Variants in SMAD9 observed in about 807,000 individuals in gnomAD.
SMAD9 encodes SMAD family member 9.
SMAD9 carries 36 observed loss-of-function variants against 46.1 expected under a neutral mutation model. The observed-to-expected ratio is 0.78, with a 90% confidence interval of 0.60 to 1.03. The LOEUF (loss-of-function observed/expected upper bound fraction) is 1.03, where lower values mean the gene tolerates loss of function less well. SMAD9 is among the 50% of genes least tolerant of loss of function. SMAD9 has a pLI of 0.00. For synonymous variants in SMAD9, 245 were observed against 237.1 expected (o/e 1.03, Z -0.31); for missense variants, 572 against 599.8 (o/e 0.95, Z 0.48).
At chr13:36,872,538 G>T in intron 3 of SMAD9, 120 bp downstream of exon 3, 1 of 1,198,374 alleles carries the variant, frequency 8.3e-7, no homozygotes, top group South Asian at 1.3e-5. Context: ...TGATTGCTTT[G>T]TAAACTGTTT....
intron 2 of SMAD9, among the ~76,000 whole-genome samples, chr13:36,878,806 C>T (rs868215604): frequency 3.4e-5 from 5 of 147,102 alleles, no homozygotes; most frequent in Admixed American, 6.6e-5. Context: ...CCTTTCAGGA[C>T]CCCAAGAACT....
intron 6 of SMAD9, among the ~76,000 whole-genome samples, chr13:36,851,147 C>T (rs960822316): frequency 1.3e-5 from 2 of 152,164 alleles, no homozygotes; most frequent in Non-Finnish European, 2.9e-5. Context: ...TGCAAAAGCT[C>T]GCCACCTCCT....
chr13:36,847,139 T>TAGC lies in SMAD9; in HGVS notation c.*1534_*1536dup, dbSNP rs2058042873. The TAGC allele has an allele frequency of 6.6e-6, 1 of 152,224 alleles. No homozygotes were observed. The highest frequency in any genetic ancestry group is 2.4e-5 in the African/African-American group (1 of 41,460). The allele number at this position is 152,224 out of a possible 1,614,324, so 9.4% of individuals were successfully genotyped here. On this transcript the variant is annotated 3_prime_UTR_variant, in exon 7 of 7. Coordinates refer to ENST00000379826, the MANE Select transcript of SMAD9 (RefSeq NM_001127217.3). Reference sequence around the variant, plus strand: ...TAGTAACTGTAAGAGGTGACAGTAGTAGCTCAATCATATATCTTTCTCACA... The same window carrying TAGC: ...TAGTAACTGTAAGAGGTGACAGTAGTAGCAGCTCAATCATATATCTTTCTCACA...
At chr13:36,850,350 G>A (rs2058064503) in intron 6 of SMAD9, among the ~76,000 whole-genome samples, 1 of 151,880 alleles carries the variant, frequency 6.6e-6, no homozygotes, top group African/African-American at 2.4e-5. Flanking sequence ...AGTGTCCCAG[G>A]GCTCAGTCCT....
intron 1 of SMAD9, among the ~76,000 whole-genome samples, chr13:36,887,044 T>G (rs987306409): frequency 2.4e-5 from 3 of 123,680 alleles, no homozygotes; most frequent in African/African-American, 1.0e-4. Context: ...GAATGGGTTT[T>G]TTTTTTTTTT....
rs1015628934 is a variant in SMAD9, at chr13:36,884,759, T to C, written c.-186-4884A>G. Reference sequence around the variant, plus strand: ...CCTTGGAAGGTTCAGTTGGTGATTTTAATCCTGAAGAAAATACAATTTTAA... The same window carrying C: ...CCTTGGAAGGTTCAGTTGGTGATTTCAATCCTGAAGAAAATACAATTTTAA... On this transcript the variant is annotated intron_variant, in intron 1 of 6. Coordinates refer to ENST00000379826, the MANE Select transcript of SMAD9 (RefSeq NM_001127217.3). Among the ~76,000 whole-genome samples, 5 of 152,212 alleles carry C rather than the reference T, an allele frequency of 3.3e-5. No individual in the cohort carries two copies. The South Asian group carries it at 8.3e-4, about 25-fold the overall frequency.
At chr13:36,919,977 C>T (rs568644091) in intron 1 of SMAD9, 139 bp downstream of exon 1, 1 of 151,374 alleles carries the variant, frequency 6.6e-6, no homozygotes, top group Non-Finnish European at 1.5e-5. Flanking sequence ...CGCACGCACA[C>T]AAGCAGCGCG....
intron 1 of SMAD9, among the ~76,000 whole-genome samples, chr13:36,884,423 A>C (rs976816707): frequency 6.6e-6 from 1 of 152,118 alleles, no homozygotes; most frequent in Admixed American, 6.6e-5. Context: ...GAAAGGACAC[A>C]CTTCACACAC....
intron 5 of SMAD9, among the ~76,000 whole-genome samples, chr13:36,857,826 T>C (rs1176662042): frequency 6.6e-6 from 1 of 152,174 alleles, no homozygotes; most frequent in African/African-American, 2.4e-5. Flanking sequence ...CCACTCCTCT[T>C]AGGACAAAAC....
At chr13:36,886,016 G>A (rs1386677475) in intron 1 of SMAD9, among the ~76,000 whole-genome samples, 5 of 152,162 alleles carry the variant, frequency 3.3e-5, no homozygotes, top group Admixed American at 2.0e-4. Context: ...TAAGAAGAAC[G>A]TAGAGGGGAG....
chr13:36,893,290 G>C lies in SMAD9; in HGVS notation c.-186-13415C>G, dbSNP rs572139734. Among the ~76,000 whole-genome samples, 57 of 151,684 alleles carry C rather than the reference G, an allele frequency of 3.8e-4. 1 individual carries two copies. In the South Asian group the frequency reaches 8.3e-3, roughly 22 times the overall value. On this transcript the variant is annotated intron_variant, in intron 1 of 6. Transcript: ENST00000379826. ...GTGGGGAAAAATTCTACTTCTTGAA[G>C]TTTTTGAAGAGATGAATAGAGGTAT...
intron 2 of SMAD9, among the ~76,000 whole-genome samples, chr13:36,873,687 A>C (rs546036633): frequency 6.6e-6 from 1 of 152,182 alleles, no homozygotes; most frequent in South Asian, 2.1e-4. Context: ...ACGTGGTGAA[A>C]CCCCGTCTCT....
Position 36,879,273 on chromosome 13 carries a change from C to T in SMAD9, c.412+5G>A. 1 of 1,613,736 alleles carries T rather than the reference C, an allele frequency of 6.2e-7. No individual in the cohort carries two copies. The highest frequency in any genetic ancestry group is 1.3e-5 in the African/African-American group (1 of 75,032). On this transcript the variant is annotated splice_donor_5th_base_variant and intron_variant, in intron 2 of 6. Coordinates refer to ENST00000379826, the MANE Select transcript of SMAD9 (RefSeq NM_001127217.3). ...ATAAACCTTGACGTCGTAAAGACGA[C>T]CCACCTGGAGTCTCCACCCGGCGGT...
chr13:36,880,017 G>A (rs980692316), intron 1 of SMAD9, 142 bp from the exon 2 acceptor site: 2 of 379,804 alleles, frequency 5.3e-6, no homozygotes, highest in Admixed American at 7.8e-5. Context: ...GGTCAAGGCT[G>A]CGCCACTGCA....
At chr13:36,890,006 A>G (rs944953559) in intron 1 of SMAD9, among the ~76,000 whole-genome samples, 18 of 152,192 alleles carry the variant, frequency 1.2e-4, no homozygotes, top group Admixed American at 1.1e-3. Context: ...ATGTAAAAAT[A>G]TGATTCAATT....
At chr13:36,874,587 G>A (rs1036399456) in intron 2 of SMAD9, among the ~76,000 whole-genome samples, 6 of 152,168 alleles carry the variant, frequency 3.9e-5, no homozygotes, top group African/African-American at 1.4e-4. Context: ...GCTGGGCATG[G>A]TGGCTCACAC....
intron 1 of SMAD9, among the ~76,000 whole-genome samples, chr13:36,903,126 G>GTTT (rs375828906): frequency 5.5e-5 from 7 of 127,616 alleles, no homozygotes; most frequent in East Asian, 2.3e-4. Context: ...TTTTCTTTTG[G>GTTT]TTTTTTTTTT....
chr13:36,869,319 T>A (rs1446011749), intron 3 of SMAD9, among the ~76,000 whole-genome samples: 9 of 152,038 alleles, frequency 5.9e-5, no homozygotes, highest in Non-Finnish European at 2.9e-5. Flanking sequence ...GACTCCTGGA[T>A]TCAAGCGATT....
intron 1 of SMAD9, among the ~76,000 whole-genome samples, chr13:36,880,596 C>A (rs1439281735): frequency 2.0e-5 from 3 of 152,204 alleles, no homozygotes; most frequent in Non-Finnish European, 4.4e-5. Flanking sequence ...CCAAGGATCC[C>A]TGGGAGTCCC....
Sources: gnomAD v4.1 joint callset for allele counts (sites outside exome capture counted in the v4.1 genomes callset) on GRCh38, gnomAD v4.1.1 for gene constraint, MANE v1.5 for transcripts, NCBI Gene and HGNC (gene_info 2026-07-23, HGNC 2026-07-21) for gene names.